The following NCKAP5 variants were observed in gnomAD, a reference collection of about 807,000 sequenced individuals.
NCKAP5 encodes nck-associated protein 5.
In NCKAP5, 92 loss-of-function variants were observed where a neutral mutation model predicts 167.0. The observed-to-expected ratio is 0.55, with a 90% CI of 0.47 to 0.66. The LOEUF (loss-of-function observed/expected upper bound fraction) is 0.66, where lower values mean the gene tolerates loss of function less well. Among genes scored for constraint, NCKAP5 ranks in the 30% least tolerant of loss-of-function variants. The pLI is 0.00. For missense variants in NCKAP5, 2,378 were observed against 2,315.0 expected, an observed-to-expected ratio of 1.03 and a Z score of -0.56; for synonymous variants, 891 against 877.4, an observed-to-expected ratio of 1.02 and a Z score of -0.27.
At chr2:133,613,096 C>T in the NCKAP5 span, among the ~76,000 whole-genome samples, 1 of 152,192 alleles carries the variant, frequency 6.6e-6, no homozygotes, top group African/African-American at 2.4e-5. Context: ...GCCATTCCAA[C>T]CCTTAATGTA....
chr2:133,030,584 TCTGA>T (rs2078847752), intron 6 of NCKAP5, among the ~76,000 whole-genome samples: 1 of 152,178 alleles, frequency 6.6e-6, no homozygotes, highest in Admixed American at 6.5e-5. Context: ...TACAAAGCAT[TCTGA>T]CTGGTCATTT....
intron 11 of NCKAP5, among the ~76,000 whole-genome samples, chr2:132,800,269 T>C (rs567198181): frequency 6.6e-6 from 1 of 152,344 alleles, no homozygotes; most frequent in African/African-American, 2.4e-5. Context: ...TCATATTTAC[T>C]GTTAGTGTTC....
At chr2:132,938,369 T>C (rs1355908120) in intron 8 of NCKAP5, among the ~76,000 whole-genome samples, 1 of 152,220 alleles carries the variant, frequency 6.6e-6, no homozygotes, top group Non-Finnish European at 1.5e-5. Context: ...TGTATACACA[T>C]GAGTGCATTT....
chr2:133,449,525 G>A lies in NCKAP5; in HGVS notation c.69+67933C>T, dbSNP rs552386142. ...CTAAAATCAGATATCTCTGAAATTC[G>A]AAATAGTTGGACTTTTGGGTCCTTT... On this transcript the variant is annotated intron_variant, in intron 3 of 19. Coordinates refer to ENST00000409261, the MANE Select transcript of NCKAP5 (RefSeq NM_207363.3). Among the ~76,000 whole-genome samples the A allele has an allele frequency of 3.9e-5, 6 of 152,264 alleles. No homozygotes were observed. In the South Asian group the frequency reaches 8.3e-4, roughly 21 times the overall value.
At chr2:133,290,632 C>A (rs554974055) in intron 4 of NCKAP5, among the ~76,000 whole-genome samples, 90 of 150,252 alleles carry the variant, frequency 6.0e-4, no homozygotes, top group African/African-American at 2.1e-3. Flanking sequence ...AGACAAATGA[C>A]TTTTTGCCAT....
At chr2:132,986,186 G>C (rs950256401) in intron 7 of NCKAP5, among the ~76,000 whole-genome samples, 1 of 152,140 alleles carries the variant, frequency 6.6e-6, no homozygotes, top group African/African-American at 2.4e-5. Context: ...TACTGAAACA[G>C]GTGTTGTGTG....
rs186688303 is a variant in NCKAP5 at position 133,164,824 on chromosome 2, T to C, written c.208-34713A>G. On this transcript the variant is annotated intron_variant, in intron 5 of 19. Transcript: ENST00000409261. ...AGATTGGAAATGAAATAATGTGTTT[T>C]AGAAGAGAATCTTGGGAAAATATTT... 2.0e-5 allele frequency among the ~76,000 whole-genome samples: 3 copies of C among 152,340 alleles called. No homozygotes were observed. In the East Asian group the frequency reaches 5.8e-4, roughly 29 times the overall value.
intron 3 of NCKAP5, among the ~76,000 whole-genome samples, chr2:133,347,579 T>TTAATATAATA (rs202127484): frequency 1.1e-4 from 17 of 149,484 alleles, no homozygotes; most frequent in African/African-American, 4.2e-4. Flanking sequence ...ATTAAAATAA[T>TTAATATAATA]TAATATAATA....
chr2:132,992,955 C>T (rs1169070598), intron 7 of NCKAP5, among the ~76,000 whole-genome samples: 1 of 152,142 alleles, frequency 6.6e-6, no homozygotes, highest in Non-Finnish European at 1.5e-5. Context: ...GATACAGCCT[C>T]GCCTCTTAAG....
chr2:133,573,191 A>G (rs1021750894), upstream of NCKAP5, among the ~76,000 whole-genome samples: 4 of 152,220 alleles, frequency 2.6e-5, no homozygotes, highest in South Asian at 8.3e-4. Context: ...TAAATCAAAC[A>G]AAAACAAGAC....
At chr2:133,129,414 AG>A in intron 6 of NCKAP5, among the ~76,000 whole-genome samples, 1 of 152,176 alleles carries the variant, frequency 6.6e-6, no homozygotes, top group Non-Finnish European at 1.5e-5. Flanking sequence ...GTCCCTACAA[AG>A]GACATGAACT....
chr2:133,002,591 G>A (rs1233861508), intron 6 of NCKAP5, among the ~76,000 whole-genome samples: 6 of 152,142 alleles, frequency 3.9e-5, no homozygotes, highest in Non-Finnish European at 8.8e-5. Flanking sequence ...AGCTATTCAT[G>A]GAAATATATG....
At chr2:132,706,723 T>C (rs1474243067) in intron 19 of NCKAP5, among the ~76,000 whole-genome samples, 1 of 152,140 alleles carries the variant, frequency 6.6e-6, no homozygotes, top group Non-Finnish European at 1.5e-5. Context: ...CTTTTGGTCC[T>C]GGCTGTTAGA....
At chr2:132,794,316 GAAGAGAGAGAGA>G (rs1270953831) in intron 12 of NCKAP5, among the ~76,000 whole-genome samples, 2 of 117,962 alleles carry the variant, frequency 1.7e-5, no homozygotes, top group African/African-American at 5.9e-5. Context: ...AGGGTGGCGG[GAAGAGAGAGAGA>G]AAGAGAGAGA....
At chr2:132,925,457 G>A (rs1558949142) in intron 8 of NCKAP5, among the ~76,000 whole-genome samples, 2 of 151,528 alleles carry the variant, frequency 1.3e-5, no homozygotes. Flanking sequence ...AGCTACTCTG[G>A]AGGCTGAGGC....
chr2:133,480,261 A>AAT, intron 3 of NCKAP5, among the ~76,000 whole-genome samples: 1 of 152,200 alleles, frequency 6.6e-6, no homozygotes, highest in Non-Finnish European at 1.5e-5. Context: ...TAAATAGAGG[A>AAT]TGGTAGGGGG....
intron 16 of NCKAP5, among the ~76,000 whole-genome samples, chr2:132,759,798 G>A (rs1286630573): frequency 6.6e-6 from 1 of 151,704 alleles, no homozygotes; most frequent in East Asian, 1.9e-4. Context: ...TTTAGTCTAT[G>A]TACATTTATT....
At chr2:133,455,120 A>T (rs944037434) in intron 3 of NCKAP5, among the ~76,000 whole-genome samples, 1 of 152,102 alleles carries the variant, frequency 6.6e-6, no homozygotes, top group Non-Finnish European at 1.5e-5. Context: ...GATTTGTTTA[A>T]AGCAATACCA....
rs111958172 is a variant in NCKAP5, at chr2:133,336,992, A to G, written c.70-33882T>C. Among the ~76,000 whole-genome samples the G allele has an allele frequency of 1.7e-3, 255 of 152,178 alleles. 3 individuals are homozygous for G. Among genetic ancestry groups the G allele is most frequent in the African/African-American group, 5.9e-3 (245 of 41,442 alleles). ...GAGAGACATAAGTGACATTTTTATA[A>G]TAAATACCAAACAACAAACATTGTC... is the stretch of plus-strand genomic sequence containing the variant. On this transcript the variant is annotated intron_variant, in intron 3 of 19. Transcript: ENST00000409261.
Sources: allele counts gnomAD v4.1 joint callset (sites outside exome capture counted in the v4.1 genomes callset), GRCh38; gene constraint gnomAD v4.1.1; transcripts MANE v1.5; gene names NCBI Gene and HGNC (gene_info 2026-07-23, HGNC 2026-07-21).